COL25A1: variants seen among roughly 807,000 people sequenced by gnomAD.
COL25A1 encodes the protein collagen alpha-1(XXV) chain.
In COL25A1, 103 loss-of-function variants were observed where a neutral mutation model predicts 128.4. The ratio of observed to expected loss-of-function variants is 0.80; its 90% CI spans 0.68 to 0.94. The LOEUF is 0.94. Among genes scored for constraint, COL25A1 ranks in the 40% least tolerant of loss-of-function variants. COL25A1 has a pLI of 0.00. For synonymous variants in COL25A1, 279 were observed against 277.2 expected (o/e 1.01, Z -0.06); for missense variants, 745 against 840.0 (o/e 0.89, Z 1.40).
intron 3 of COL25A1, among the ~76,000 whole-genome samples, chr4:109,093,765 C>T (rs571270110): frequency 2.6e-5 from 4 of 152,196 alleles, no homozygotes; most frequent in South Asian, 4.1e-4. Context: ...TGAGGCCAAA[C>T]ATGAAATTAA....
intron 3 of COL25A1, among the ~76,000 whole-genome samples, chr4:109,300,244 G>C (rs965818254): frequency 6.6e-6 from 1 of 150,664 alleles, no homozygotes; most frequent in African/African-American, 2.4e-5. Context: ...GAATCTAACA[G>C]TTCTACAGTC....
intron 11 of COL25A1, among the ~76,000 whole-genome samples, chr4:108,930,279 T>C (rs1746573889): frequency 6.6e-6 from 1 of 152,150 alleles, no homozygotes; most frequent in Non-Finnish European, 1.5e-5. Context: ...TGGTTGTGCT[T>C]CCCAGGGGGT....
intron 11 of COL25A1, among the ~76,000 whole-genome samples, chr4:108,928,360 C>T (rs1385437256): frequency 1.3e-5 from 2 of 152,152 alleles, no homozygotes; most frequent in Non-Finnish European, 2.9e-5. Flanking sequence ...GATGGATCTG[C>T]ACTGTCTATT....
intron 3 of COL25A1, among the ~76,000 whole-genome samples, chr4:109,292,088 T>C (rs1724521848): frequency 6.6e-6 from 1 of 152,134 alleles, no homozygotes; most frequent in African/African-American, 2.4e-5. Flanking sequence ...TCTAATAGTG[T>C]CCTATGGAGT....
chr4:109,108,275 G>A (rs998916659), intron 3 of COL25A1, among the ~76,000 whole-genome samples: 3 of 152,068 alleles, frequency 2.0e-5, no homozygotes, highest in Non-Finnish European at 4.4e-5. Context: ...GTGAGAATAT[G>A]CGGTGTTTGG....
In COL25A1 at chr4:109,064,808, G is replaced by A. The variant is rs141084652; in HGVS notation, c.368-14629C>T. ...TCTTTCTAACTAAATGACCACATCT[G>A]GTCTCTAGTACCTACAAAAGCCCTA... On this transcript the variant is annotated intron_variant, in intron 3 of 37. Coordinates refer to ENST00000399132, the MANE Select transcript of COL25A1 (RefSeq NM_198721.4). Among the ~76,000 whole-genome samples the A allele has an allele frequency of 1.0e-3, 153 of 152,238 alleles. 1 individual carries two copies. Among genetic ancestry groups the A allele is most frequent in the East Asian group, 5.0e-3 (26 of 5,182 alleles).
intron 6 of COL25A1, among the ~76,000 whole-genome samples, chr4:109,001,579 G>A (rs181242402): frequency 6.6e-6 from 1 of 152,336 alleles, no homozygotes; most frequent in Admixed American, 6.5e-5. Context: ...TGAGGATCCA[G>A]GAAATGACTT....
intron 3 of COL25A1, among the ~76,000 whole-genome samples, chr4:109,065,545 CGT>C (rs70949065): frequency 0.15 from 21,369 of 140,716 alleles, 1,593 homozygotes; most frequent in Non-Finnish European, 0.16. Flanking sequence ...CGCGCGCGCG[CGT>C]GTGTGTGTGT....
chr4:109,151,518 T>TA (rs1280211421), intron 3 of COL25A1, among the ~76,000 whole-genome samples: 14 of 152,132 alleles, frequency 9.2e-5, no homozygotes, highest in East Asian at 5.8e-4. Context: ...ACCTTATTTT[T>TA]AAAAAAAATT....
At chr4:109,009,428 A>G (rs1756364176) in intron 6 of COL25A1, among the ~76,000 whole-genome samples, 1 of 152,240 alleles carries the variant, frequency 6.6e-6, no homozygotes, top group South Asian at 2.1e-4. Flanking sequence ...TTGCTTCATT[A>G]GACATCTATA....
At chr4:108,905,043 T>C (rs1743310448) in intron 13 of COL25A1, among the ~76,000 whole-genome samples, 2 of 152,224 alleles carry the variant, frequency 1.3e-5, no homozygotes, top group African/African-American at 2.4e-5. Flanking sequence ...GCGGTTTTCT[T>C]ACAAATATTG....
At chr4:109,255,755 A>G (rs1406977311) in intron 3 of COL25A1, among the ~76,000 whole-genome samples, 1 of 152,242 alleles carries the variant, frequency 6.6e-6, no homozygotes, top group African/African-American at 2.4e-5. Flanking sequence ...TAGTAATTTC[A>G]TAATATTGAT....
At chr4:109,057,421 ATTTT>A (rs776941019) in intron 3 of COL25A1, among the ~76,000 whole-genome samples, 12 of 20,236 alleles carry the variant, frequency 5.9e-4, no homozygotes, top group African/African-American at 1.9e-3. Context: ...TGCCTAGCTA[ATTTT>A]TTTTTTTTTT....
intron 29 of COL25A1, 126 bp from the exon 30 acceptor site, chr4:108,844,695 A>T: frequency 7.5e-7 from 1 of 1,335,348 alleles, no homozygotes; most frequent in Non-Finnish European, 1.0e-6. Flanking sequence ...TACTAGAATA[A>T]GTGATGTGTT....
Position 109,261,758 on chromosome 4 carries a change from C to T in COL25A1, c.367+38825G>A, listed in dbSNP as rs531213322. 4.6e-5 allele frequency among the ~76,000 whole-genome samples: 7 copies of T among 151,332 alleles called. No homozygotes were observed. In the East Asian group the frequency reaches 1.4e-3, roughly 30 times the overall value. On this transcript the variant is annotated intron_variant, in intron 3 of 37. Coordinates refer to ENST00000399132, the MANE Select transcript of COL25A1 (RefSeq NM_198721.4). ...TGTCACCCAGGCTGGAGTGCAGTGGCATGATCTCGGCTCACTGCGAGCTCC... is the reference window on the plus strand; with the variant it reads ...TGTCACCCAGGCTGGAGTGCAGTGGTATGATCTCGGCTCACTGCGAGCTCC...
intron 5 of COL25A1, among the ~76,000 whole-genome samples, chr4:109,031,381 G>C (rs1021781043): frequency 2.0e-5 from 3 of 152,158 alleles, no homozygotes; most frequent in African/African-American, 7.2e-5. Context: ...CTCCCAAAGT[G>C]CTAGGATTAC....
In COL25A1 at chr4:108,861,106, C is replaced by T. The variant is rs956476720; in HGVS notation, c.1198-135G>A. 4.4e-6 allele frequency: 3 copies of T among 675,124 alleles called. No homozygotes were observed. The Admixed American group carries it at 8.2e-5, about 18-fold the overall frequency. The allele number at this position is 675,124 out of a possible 1,614,324, so 41.8% of individuals were successfully genotyped here. On this transcript the variant is annotated intron_variant, in intron 22 of 37. Coordinates refer to ENST00000399132, the MANE Select transcript of COL25A1 (RefSeq NM_198721.4). The stretch of plus-strand genomic sequence containing the variant: ...AGTGAAAAACAACAGCAACCACCAC[C>T]AAAATAGCAAATGCTTTTTTAAGAT...
At chr4:109,206,160 AAC>A (rs1220276170) in intron 3 of COL25A1, among the ~76,000 whole-genome samples, 2 of 152,194 alleles carry the variant, frequency 1.3e-5, no homozygotes, top group Non-Finnish European at 2.9e-5. Flanking sequence ...TATGGCATAA[AAC>A]AGTTAATATC....
chr4:109,012,959 T>G (rs1756789589), intron 5 of COL25A1, among the ~76,000 whole-genome samples: 1 of 152,254 alleles, frequency 6.6e-6, no homozygotes, highest in Admixed American at 6.5e-5. Flanking sequence ...CTTGGAGAAC[T>G]TTTATGTCTA....
Sources: gnomAD v4.1 joint callset for allele counts (sites outside exome capture counted in the v4.1 genomes callset) on GRCh38, gnomAD v4.1.1 for gene constraint, MANE v1.5 for transcripts, NCBI Gene and HGNC (gene_info 2026-07-23, HGNC 2026-07-21) for gene names.